IQCK: variants seen among roughly 807,000 people sequenced by gnomAD.
IQCK encodes the protein IQ motif containing K, also known as IQ domain-containing protein K.
A neutral mutation model predicts 28.1 loss-of-function variants in IQCK; 29 were observed. That is an observed-to-expected ratio of 1.03 (90% CI 0.77 to 1.41). IQCK has a LOEUF of 1.41. Ranked by LOEUF, IQCK falls within the 40% of genes most tolerant of loss-of-function variation. The pLI, the probability that IQCK is intolerant of heterozygous loss-of-function variation, is 0.00. For missense variants in IQCK, 359 were observed against 314.7 expected, an observed-to-expected ratio of 1.14 and a Z score of -1.07; for synonymous variants, 113 against 115.1, an observed-to-expected ratio of 0.98 and a Z score of 0.12.
intron 9 of IQCK, among the ~76,000 whole-genome samples, chr16:19,835,237 C>G (rs891264687): frequency 4.7e-5 from 7 of 150,094 alleles, no homozygotes; most frequent in African/African-American, 1.7e-4. Context: ...GAGCCGAGAT[C>G]ACACTACTGC....
At chr16:19,773,105 C>T (rs1297857920) in intron 6 of IQCK, among the ~76,000 whole-genome samples, 1 of 152,126 alleles carries the variant, frequency 6.6e-6, no homozygotes, top group African/African-American at 2.4e-5. Flanking sequence ...GTGGTATCTA[C>T]TGGAGAGCAG....
intron 7 of IQCK, among the ~76,000 whole-genome samples, chr16:19,808,400 G>T (rs1404151720): frequency 6.6e-6 from 1 of 152,132 alleles, no homozygotes; most frequent in African/African-American, 2.4e-5. Context: ...CACACTCCAG[G>T]TTTCACTCAG....
chr16:19,727,149 A>G (rs1426803250), intron 1 of IQCK, among the ~76,000 whole-genome samples: 1 of 149,164 alleles, frequency 6.7e-6, no homozygotes, highest in African/African-American at 2.6e-5. Flanking sequence ...AAAAAGAAAG[A>G]AAGAAAAGAA....
intron 4 of IQCK, among the ~76,000 whole-genome samples, chr16:19,755,738 T>C (rs780541322): frequency 1.3e-5 from 2 of 152,242 alleles, no homozygotes; most frequent in African/African-American, 4.8e-5. Context: ...CCATTTCTTT[T>C]ACCTTTACTG....
rs1432827576 is a variant in IQCK, at chr16:19,802,691, AT to A, written c.690+13772del. Among the ~76,000 whole-genome samples, 6 of 151,512 alleles carry A rather than the reference AT, an allele frequency of 4.0e-5. No individual in the cohort carries two copies. In the East Asian group the frequency reaches 1.2e-3, roughly 29 times the overall value. Reference sequence around the variant, plus strand: ...TCCCATCTCACCTTGGAAATCACTGATTTGTTTTCTGCTCCTATACTTTTGC... The same window carrying A: ...TCCCATCTCACCTTGGAAATCACTGATTGTTTTCTGCTCCTATACTTTTGC... On this transcript the variant is annotated intron_variant, in intron 7 of 7. Coordinates refer to ENST00000564186, the Ensembl canonical transcript of IQCK.
chr16:19,727,454 G>T (rs1977691891), intron 1 of IQCK, among the ~76,000 whole-genome samples: 1 of 151,828 alleles, frequency 6.6e-6, no homozygotes, highest in Non-Finnish European at 1.5e-5. Context: ...TGGCATGGCA[G>T]CATGTGCCTG....
chr16:19,856,658 G>A lies in IQCK; in HGVS notation c.*110G>A, dbSNP rs1215928827. On this transcript the variant is annotated 3_prime_UTR_variant, in exon 10 of 10. Coordinates refer to the IQCK transcript ENST00000320394. The stretch of plus-strand genomic sequence containing the variant: ...ATTTCTTTAACAAGACTTGGAACAT[G>A]TGCAAATGGAATCTTTTCTGTACAA... 4.5e-5 allele frequency: 38 copies of A among 835,996 alleles called. No homozygotes were observed. The Admixed American group carries it at 7.8e-4, about 17-fold the overall frequency. The allele number at this position is 835,996 out of a possible 1,614,324, so 51.8% of individuals were successfully genotyped here. A position where few individuals can be genotyped will look rare whatever the true frequency, so the allele number is the denominator to read the frequency against.
intron 7 of IQCK, among the ~76,000 whole-genome samples, chr16:19,824,557 G>A (rs1365903820): frequency 6.6e-6 from 1 of 152,214 alleles, no homozygotes; most frequent in East Asian, 1.9e-4. Context: ...TTAATAGTTA[G>A]AGAGCTGAGT....
At chr16:19,850,583 G>A (rs1372261666) in intron 9 of IQCK, among the ~76,000 whole-genome samples, 1 of 152,102 alleles carries the variant, frequency 6.6e-6, no homozygotes, top group Non-Finnish European at 1.5e-5. Flanking sequence ...CCATAGCTGC[G>A]TGGCAGATGG....
intron 9 of IQCK, among the ~76,000 whole-genome samples, chr16:19,838,912 G>A (rs1372007406): frequency 2.0e-5 from 3 of 150,324 alleles, no homozygotes; most frequent in South Asian, 2.1e-4. Flanking sequence ...CCAGCTACTC[G>A]GGAGGCTGGG....
At chr16:19,838,480 A>G (rs1718825447) in intron 9 of IQCK, among the ~76,000 whole-genome samples, 1 of 152,128 alleles carries the variant, frequency 6.6e-6, no homozygotes, top group Admixed American at 6.6e-5. Flanking sequence ...TGAACCTGTC[A>G]CACCCAGAAT....
chr16:19,776,986 C>G (rs773108551), intron 6 of IQCK, among the ~76,000 whole-genome samples: 1 of 152,132 alleles, frequency 6.6e-6, no homozygotes, highest in Non-Finnish European at 1.5e-5. Flanking sequence ...GAGAATTGGT[C>G]AGATTCATTT....
chr16:19,826,658 G>A (rs1177136783), intron 7 of IQCK, among the ~76,000 whole-genome samples: 3 of 152,166 alleles, frequency 2.0e-5, no homozygotes, highest in East Asian at 1.9e-4. Flanking sequence ...GATTACAGGC[G>A]TAAGCCACCG....
intron 9 of IQCK, among the ~76,000 whole-genome samples, chr16:19,852,029 C>G (rs890877548): frequency 6.6e-6 from 1 of 152,146 alleles, no homozygotes; most frequent in African/African-American, 2.4e-5. Context: ...AGCTGCTCCT[C>G]GGGGTGTTAC....
At chr16:19,744,674 T>C (rs1435402312) in intron 4 of IQCK, among the ~76,000 whole-genome samples, 1 of 152,208 alleles carries the variant, frequency 6.6e-6, no homozygotes, top group African/African-American at 2.4e-5. Context: ...TTTTCAATCA[T>C]GTAAAAAAAG....
intron 6 of IQCK, among the ~76,000 whole-genome samples, chr16:19,775,062 C>G (rs2151721074): frequency 6.6e-6 from 1 of 151,970 alleles, no homozygotes; most frequent in South Asian, 2.1e-4. Flanking sequence ...CCCATCTCTA[C>G]TAAAGATACA....
At chr16:19,734,459 CA>C (rs34178017) in intron 3 of IQCK, among the ~76,000 whole-genome samples, 142 of 50,254 alleles carry the variant, frequency 2.8e-3, no homozygotes, top group East Asian at 0.021. Context: ...GACTCCATCA[CA>C]AAAAAAAAAA....
chr16:19,855,869 A>G (rs1396114354), intron 9 of IQCK, among the ~76,000 whole-genome samples: 5 of 152,158 alleles, frequency 3.3e-5, no homozygotes, highest in Admixed American at 3.3e-4. Flanking sequence ...GGGTCTTTCC[A>G]AAAGGATCCC....
At chr16:19,729,962 A>AT (rs890083921) in intron 1 of IQCK, among the ~76,000 whole-genome samples, 23 of 141,086 alleles carry the variant, frequency 1.6e-4, no homozygotes, top group Non-Finnish European at 2.9e-4. Flanking sequence ...TTTATTAATA[A>AT]TTTTTTTTTA....
Sources: gnomAD v4.1 joint callset for allele counts (sites outside exome capture counted in the v4.1 genomes callset) on GRCh38, gnomAD v4.1.1 for gene constraint, MANE v1.5 for transcripts, NCBI Gene and HGNC (gene_info 2026-07-23, HGNC 2026-07-21) for gene names.